The following AOAH variants were observed in gnomAD, a reference collection of about 807,000 sequenced individuals.
AOAH encodes the protein acyloxyacyl hydrolase (neutrophil).
A neutral mutation model predicts 92.2 loss-of-function variants in AOAH; 64 were observed. The observed-to-expected ratio is 0.69, with a 90% CI of 0.57 to 0.86. The LOEUF is 0.86. AOAH is among the 40% of genes least tolerant of loss of function. AOAH has a pLI of 0.00. For missense variants in AOAH, 656 were observed against 694.6 expected (o/e 0.94, Z 0.62); for synonymous variants, 263 against 254.5 (o/e 1.03, Z -0.32).
chr7:36,646,618 G>A (rs67756771), intron 4 of AOAH, among the ~76,000 whole-genome samples: 22,965 of 152,136 alleles, frequency 0.15, 1,869 homozygotes, highest in Middle Eastern at 0.19. Context: ...AAAACAACAC[G>A]AATATTCTTT....
intron 2 of AOAH, among the ~76,000 whole-genome samples, chr7:36,681,175 C>T (rs530098957): frequency 3.6e-4 from 55 of 152,224 alleles, no homozygotes; most frequent in Non-Finnish European, 7.2e-4. Flanking sequence ...ATAACTGTGA[C>T]TGTTCTTCAC....
intron 16 of AOAH, among the ~76,000 whole-genome samples, chr7:36,539,295 C>T (rs964202628): frequency 4.6e-5 from 7 of 152,136 alleles, no homozygotes; most frequent in Admixed American, 4.6e-4. Context: ...GGGGTAACAC[C>T]AGGGAAGGGA....
intron 11 of AOAH, among the ~76,000 whole-genome samples, chr7:36,600,359 CT>C (rs1790461448): frequency 1.3e-5 from 2 of 152,202 alleles, no homozygotes; most frequent in African/African-American, 4.8e-5. Context: ...CAGTGAGAGG[CT>C]CTGGGAGGGC....
At chr7:36,545,348 T>TGAA (rs1379809976) in intron 15 of AOAH, among the ~76,000 whole-genome samples, 3 of 152,238 alleles carry the variant, frequency 2.0e-5, no homozygotes, top group African/African-American at 7.2e-5. Context: ...TGTCTCTCAC[T>TGAA]GAAGAGTCTG....
At chr7:36,675,604 T>A (rs1282497766) in intron 2 of AOAH, among the ~76,000 whole-genome samples, 1 of 152,194 alleles carries the variant, frequency 6.6e-6, no homozygotes, top group African/African-American at 2.4e-5. Flanking sequence ...TTATCAAGAA[T>A]TCTTCCAAAA....
intron 1 of AOAH, among the ~76,000 whole-genome samples, chr7:36,701,208 A>T (rs1798010554): frequency 6.6e-6 from 1 of 151,894 alleles, no homozygotes; most frequent in African/African-American, 2.4e-5. Flanking sequence ...TAATTACTTT[A>T]TTGCATAACA....
At chr7:36,677,866 A>G (rs1349870514) in intron 2 of AOAH, among the ~76,000 whole-genome samples, 1 of 152,236 alleles carries the variant, frequency 6.6e-6, no homozygotes, top group East Asian at 1.9e-4. Flanking sequence ...CAGATATTGT[A>G]TGATTCCATT....
At chr7:36,620,687 T>G (rs982219675) in intron 9 of AOAH, 94 bp downstream of exon 9, 1 of 1,229,826 alleles carries the variant, frequency 8.1e-7, no homozygotes. Context: ...GCTGTCATAG[T>G]CTTCCCTGGA....
intron 9 of AOAH, 43 bp from the exon 10 acceptor site, chr7:36,618,388 T>G (rs775076100): frequency 6.3e-7 from 1 of 1,579,034 alleles, no homozygotes; most frequent in South Asian, 1.1e-5. Context: ...GGTTTTAAAT[T>G]TATGAGATAC....
At chr7:36,555,292 G>A (rs985870896) in intron 13 of AOAH, among the ~76,000 whole-genome samples, 8 of 152,178 alleles carry the variant, frequency 5.3e-5, no homozygotes, top group Non-Finnish European at 1.5e-5. Flanking sequence ...TACATTTATT[G>A]ACTTGCGCAT....
At chr7:36,651,326 T>C (rs1202920971) in intron 4 of AOAH, among the ~76,000 whole-genome samples, 1 of 152,246 alleles carries the variant, frequency 6.6e-6, no homozygotes, top group Non-Finnish European at 1.5e-5. Flanking sequence ...GTAGAAAGTA[T>C]GGGACTTCAG....
chr7:36,630,932 C>A (rs1334124662), intron 6 of AOAH, among the ~76,000 whole-genome samples: 1 of 152,152 alleles, frequency 6.6e-6, no homozygotes, highest in Non-Finnish European at 1.5e-5. Context: ...TAATAATAAC[C>A]CTTACCTCAT....
At chr7:36,600,542 G>A (rs1301076224) in intron 11 of AOAH, among the ~76,000 whole-genome samples, 1 of 152,116 alleles carries the variant, frequency 6.6e-6, no homozygotes, top group Non-Finnish European at 1.5e-5. Context: ...CCGGGAGACG[G>A]CGCACACCAC....
chr7:36,517,214 C>CTTTCTTTTTCTCTTTCTTTTTCTCTT (rs59205788), intron 20 of AOAH, among the ~76,000 whole-genome samples: 1 of 104,830 alleles, frequency 9.5e-6, no homozygotes, highest in Non-Finnish European at 1.9e-5. Flanking sequence ...TTCTTTCTTT[C>CTTTCTTTTTCTCTTTCTTTTTCTCTT]TCTTTCTTTC....
intron 11 of AOAH, among the ~76,000 whole-genome samples, chr7:36,598,819 C>T (rs1461184881): frequency 6.6e-6 from 1 of 152,142 alleles, no homozygotes; most frequent in Non-Finnish European, 1.5e-5. Context: ...ACACTAAAAG[C>T]CTTATTCACG....
rs57827044 is a variant in AOAH at position 36,684,906 on chromosome 7, C to CAAAAAA, written c.223+1787_223+1792dup. Among the ~76,000 whole-genome samples the CAAAAAA allele has an allele frequency of 3.5e-4, 21 of 60,006 alleles. 1 individual carries two copies. Among genetic ancestry groups the CAAAAAA allele is most frequent in the Non-Finnish European group, 5.7e-4 (20 of 34,816 alleles). 39.4% of individuals were successfully genotyped at this position (60,006 alleles called of 152,430 possible). Reference sequence around the variant, plus strand: ...TGGGCGACAGACTGAGACCTTGTCTCAAAAAAAAAAAAAAAAAAAAAAAAA... The same window carrying CAAAAAA: ...TGGGCGACAGACTGAGACCTTGTCTCAAAAAAAAAAAAAAAAAAAAAAAAAAAAAAA... On this transcript the variant is annotated intron_variant, in intron 2 of 20. Transcript: ENST00000617537.
chr7:36,590,729 G>A (rs1008044954), intron 12 of AOAH, among the ~76,000 whole-genome samples: 2 of 152,196 alleles, frequency 1.3e-5, no homozygotes, highest in Non-Finnish European at 2.9e-5. Flanking sequence ...CCAATTCTGT[G>A]GATAAGCATT....
At chr7:36,546,890 G>A (rs905518540) in intron 15 of AOAH, among the ~76,000 whole-genome samples, 8 of 152,180 alleles carry the variant, frequency 5.3e-5, no homozygotes, top group African/African-American at 1.9e-4. Context: ...CCTAGAGCCT[G>A]GCACAGTGCT....
intron 1 of AOAH, among the ~76,000 whole-genome samples, chr7:36,695,543 A>G (rs4720211): frequency 0.58 from 88,454 of 151,974 alleles, 26,015 homozygotes; most frequent in East Asian, 0.83. Flanking sequence ...GAAAGGTTAA[A>G]CAATGTACTT....
Sources: allele counts gnomAD v4.1 joint callset (sites outside exome capture counted in the v4.1 genomes callset), GRCh38; gene constraint gnomAD v4.1.1; transcripts MANE v1.5; gene names NCBI Gene and HGNC (gene_info 2026-07-23, HGNC 2026-07-21).